DGKB: variants seen among roughly 807,000 people sequenced by gnomAD.
The protein encoded by DGKB is diacylglycerol kinase beta, also known as 90 kDa diacylglycerol kinase.
DGKB carries 67 observed loss-of-function variants against 114.3 expected under a neutral mutation model. The ratio of observed to expected loss-of-function variants is 0.59; its 90% CI spans 0.48 to 0.72. The LOEUF (loss-of-function observed/expected upper bound fraction) is 0.72, where lower values mean the gene tolerates loss of function less well. Among genes scored for constraint, DGKB ranks in the 30% least tolerant of loss-of-function variants. The pLI is 0.00. For missense variants in DGKB, 907 were observed against 975.2 expected (o/e 0.93, Z 0.93); for synonymous variants, 398 against 323.1 (o/e 1.23, Z -2.49).
chr7:14,926,359 T>A (rs1342001010), intron 1 of DGKB, among the ~76,000 whole-genome samples: 1 of 152,054 alleles, frequency 6.6e-6, no homozygotes, highest in Non-Finnish European at 1.5e-5. Context: ...TTTTGATATA[T>A]AATGAGTCAT....
intron 2 of DGKB, among the ~76,000 whole-genome samples, chr7:14,763,708 C>A (rs533563226): frequency 1.3e-5 from 2 of 152,086 alleles, no homozygotes; most frequent in Admixed American, 1.3e-4. Flanking sequence ...AGATCAAGGC[C>A]AATAATTTTG....
intron 2 of DGKB, among the ~76,000 whole-genome samples, chr7:14,776,022 T>C (rs1228965889): frequency 1.2e-4 from 19 of 152,080 alleles, no homozygotes; most frequent in Non-Finnish European, 1.5e-5. Context: ...AATAGTGATA[T>C]GGACAATGAA....
intron 3 of DGKB, among the ~76,000 whole-genome samples, 180 bp downstream of exon 3, chr7:14,757,475 C>CATAT (rs144689208): frequency 1.2e-3 from 182 of 149,524 alleles, no homozygotes; most frequent in African/African-American, 3.6e-3. Context: ...TTATGGTGTG[C>CATAT]ATATATATAT....
chr7:14,564,905 AT>A (rs1797172151), intron 20 of DGKB, among the ~76,000 whole-genome samples: 1 of 151,904 alleles, frequency 6.6e-6, no homozygotes, highest in Non-Finnish European at 1.5e-5. Flanking sequence ...CTAAAGTTCC[AT>A]TTCTTCTCTT....
intron 21 of DGKB, among the ~76,000 whole-genome samples, chr7:14,455,139 T>A (rs1832088695): frequency 6.6e-6 from 1 of 152,072 alleles, no homozygotes; most frequent in Non-Finnish European, 1.5e-5. Flanking sequence ...TCTCTGTATT[T>A]CTTTATGACA....
At chr7:14,718,508 T>C (rs754393892) in intron 6 of DGKB, 34 bp downstream of exon 6, 6 of 1,581,564 alleles carry the variant, frequency 3.8e-6, no homozygotes, top group Non-Finnish European at 4.3e-6. Context: ...CTGCCCCCAA[T>C]CACGATAAGT....
chr7:14,650,807 A>C (rs1222029309), intron 13 of DGKB, among the ~76,000 whole-genome samples: 1 of 147,614 alleles, frequency 6.8e-6, no homozygotes, highest in Non-Finnish European at 1.5e-5. Flanking sequence ...AAAAATGATA[A>C]AGGGGATATC....
In DGKB at chr7:14,338,678, G is replaced by T. The variant is rs1173639004; in HGVS notation, c.1959C>A (p.Ile653=). 1 of 1,588,534 alleles carries T rather than the reference G, an allele frequency of 6.3e-7. No individual in the cohort carries two copies. Among genetic ancestry groups the T allele is most frequent in the South Asian group, 1.1e-5 (1 of 86,972 alleles). The part of the protein sequence containing the change: ...CDGVQIDLIN[I]SLEGIAILNI... ...TCAAAATAGCAATTCCTTCCAGAGA[G>T]ATGTTTATTAAATCTATCTGTACTC... Residue 653 remains isoleucine (I), a synonymous_variant, in exon 23 of 26, where the codon ATC becomes ATA. Coordinates refer to ENST00000402815, the MANE Select transcript of DGKB (RefSeq NM_001350709.2).
At chr7:14,330,652 T>C (rs887466885) in intron 23 of DGKB, among the ~76,000 whole-genome samples, 3 of 152,000 alleles carry the variant, frequency 2.0e-5, no homozygotes, top group African/African-American at 7.2e-5. Flanking sequence ...GTGGCAATAA[T>C]GATGGTCATG....
intron 20 of DGKB, among the ~76,000 whole-genome samples, chr7:14,481,010 TTTAA>T (rs1356750177): frequency 1.7e-4 from 26 of 150,782 alleles, no homozygotes; most frequent in South Asian, 4.2e-4. Context: ...TAGCTTTATT[TTTAA>T]TTAATTAAAA....
intron 4 of DGKB, among the ~76,000 whole-genome samples, chr7:14,743,199 A>C (rs1472239170): frequency 6.6e-6 from 1 of 152,182 alleles, no homozygotes; most frequent in African/African-American, 2.4e-5. Context: ...TAGTAAACTA[A>C]TGTAAGGGTA....
chr7:14,789,380 C>CA (rs1562538382), intron 2 of DGKB, among the ~76,000 whole-genome samples: 1 of 152,040 alleles, frequency 6.6e-6, no homozygotes, highest in Non-Finnish European at 1.5e-5. Context: ...TGTGTCTTTT[C>CA]AAAAATGCTA....
chr7:14,423,130 GA>G (rs1313256088), intron 21 of DGKB, among the ~76,000 whole-genome samples: 2 of 151,984 alleles, frequency 1.3e-5, no homozygotes, highest in East Asian at 3.9e-4. Context: ...GCTCTAACAA[GA>G]AGGAAATAGC....
intron 23 of DGKB, among the ~76,000 whole-genome samples, chr7:14,216,843 T>C (rs1351771093): frequency 3.3e-5 from 5 of 152,042 alleles, no homozygotes; most frequent in African/African-American, 4.8e-5. Context: ...TTAAAGGTCT[T>C]TTAAAGGACT....
chr7:14,479,202 C>G (rs1313076309), intron 20 of DGKB, among the ~76,000 whole-genome samples: 1 of 151,978 alleles, frequency 6.6e-6, no homozygotes, highest in East Asian at 1.9e-4. Context: ...AAAAGAAAAC[C>G]AAACTCAAGG....
chr7:14,758,424 T>A (rs1030332058), intron 2 of DGKB, among the ~76,000 whole-genome samples: 10 of 152,114 alleles, frequency 6.6e-5, no homozygotes, highest in African/African-American at 2.4e-4. Flanking sequence ...ATATGCTCAT[T>A]ATACTTATTG....
chr7:14,260,575 TAATAA>T (rs1796622208), intron 23 of DGKB, among the ~76,000 whole-genome samples: 1 of 152,192 alleles, frequency 6.6e-6, no homozygotes, highest in Non-Finnish European at 1.5e-5. Context: ...TTATTGCAAC[TAATAA>T]AATAAGGCAG....
chr7:14,317,516 G>T (rs1461753352), intron 23 of DGKB, among the ~76,000 whole-genome samples: 1 of 151,776 alleles, frequency 6.6e-6, no homozygotes, highest in Non-Finnish European at 1.5e-5. Flanking sequence ...GCCAAATCAT[G>T]AGTGAACTCC....
chr7:14,686,412 A>T (rs1365697600), intron 9 of DGKB, among the ~76,000 whole-genome samples: 1 of 152,184 alleles, frequency 6.6e-6, no homozygotes, highest in African/African-American at 2.4e-5. Flanking sequence ...TCATCAAATT[A>T]TATCAAACAG....
Sources: allele counts gnomAD v4.1 joint callset (sites outside exome capture counted in the v4.1 genomes callset), GRCh38; gene constraint gnomAD v4.1.1; transcripts MANE v1.5; gene names NCBI Gene and HGNC (gene_info 2026-07-23, HGNC 2026-07-21).